AGPS: variants seen among roughly 807,000 people sequenced by gnomAD.
AGPS encodes alkyldihydroxyacetonephosphate synthase, peroxisomal.
In AGPS, 26 loss-of-function variants were observed where a neutral mutation model predicts 90.7. That is an observed-to-expected ratio of 0.29 (90% CI 0.21 to 0.40). AGPS has a LOEUF of 0.40. Ranked by LOEUF, AGPS falls within the 10% of genes least tolerant of loss-of-function variation. The pLI, the probability that AGPS is intolerant of heterozygous loss-of-function variation, is 1.00. For synonymous variants in AGPS, 294 were observed against 285.3 expected (o/e 1.03, Z -0.31); for missense variants, 540 against 816.1 (o/e 0.66, Z 4.12).
rs766755782 is a variant in AGPS, at chr2:177,497,760, A to G, written c.1357A>G (p.Thr453Ala). Reference protein sequence around the residue: ...FLDGLKKFYITKFKGFDPNQL... With the variant: ...FLDGLKKFYIAKFKGFDPNQL... ...GGACGGATTAAAAAAGTTTTATATT[A>G]CAAAGGTAAGAATTTTTATAAAATG... The change falls in exon 13 of 20, where the codon ACA becomes GCA. Residue 453 changes from threonine (T) to alanine (A), a missense_variant. Physicochemically the swap from Thr to Ala is moderately conservative, Grantham distance 58 (BLOSUM62 0). Coordinates refer to ENST00000264167, the MANE Select transcript of AGPS (RefSeq NM_003659.4). 4 of 1,495,096 alleles carry G rather than the reference A, an allele frequency of 2.7e-6. No individual in the cohort carries two copies. 92.6% of individuals were successfully genotyped at this position (1,495,096 alleles called of 1,614,324 possible).
At chr2:177,472,699 A>G (rs1178286261) in intron 10 of AGPS, among the ~76,000 whole-genome samples, 2 of 152,082 alleles carry the variant, frequency 1.3e-5, no homozygotes, top group Non-Finnish European at 2.9e-5. Context: ...ACCCTCTGCT[A>G]TGCTATTTGT....
intron 7 of AGPS, among the ~76,000 whole-genome samples, chr2:177,443,590 T>C (rs1330038298): frequency 1.3e-5 from 2 of 152,230 alleles, no homozygotes; most frequent in Admixed American, 1.3e-4. Flanking sequence ...GTAATGTGCT[T>C]TTAAAAAAAT....
At chr2:177,510,699 G>T (rs546981051) in intron 16 of AGPS, among the ~76,000 whole-genome samples, 1 of 151,882 alleles carries the variant, frequency 6.6e-6, no homozygotes, top group Admixed American at 6.6e-5. Flanking sequence ...TTCTTCAGCC[G>T]AAGTTTTAAT....
chr2:177,471,874 T>A (rs959613898), intron 10 of AGPS, among the ~76,000 whole-genome samples: 5 of 152,166 alleles, frequency 3.3e-5, no homozygotes, highest in African/African-American at 4.8e-5. Flanking sequence ...TACTTTGTTT[T>A]ATATATTATT....
intron 10 of AGPS, among the ~76,000 whole-genome samples, chr2:177,479,986 G>C (rs1386632514): frequency 6.6e-6 from 1 of 152,090 alleles, no homozygotes; most frequent in Non-Finnish European, 1.5e-5. Context: ...TTCGAGACCA[G>C]CCTGACCAAC....
At chr2:177,503,260 T>C (rs1295768290) in intron 14 of AGPS, among the ~76,000 whole-genome samples, 1 of 152,212 alleles carries the variant, frequency 6.6e-6, no homozygotes, top group African/African-American at 2.4e-5. Context: ...GTAATGTATT[T>C]TAACTTCTCC....
At chr2:177,447,698 C>T (rs1168525272) in intron 8 of AGPS, among the ~76,000 whole-genome samples, 1 of 151,730 alleles carries the variant, frequency 6.6e-6, no homozygotes, top group Non-Finnish European at 1.5e-5. Context: ...TGATATTTTA[C>T]CTACTAGTTC....
chr2:177,496,822 G>GA (rs1247685852), intron 12 of AGPS, among the ~76,000 whole-genome samples: 2 of 152,142 alleles, frequency 1.3e-5, no homozygotes, highest in East Asian at 3.9e-4. Flanking sequence ...AGAAGGAAAG[G>GA]AAGGGCCTAC....
chr2:177,491,055 A>G (rs1448892964), intron 11 of AGPS, among the ~76,000 whole-genome samples: 2 of 151,508 alleles, frequency 1.3e-5, no homozygotes, highest in Non-Finnish European at 2.9e-5. Context: ...GGGTTTCACC[A>G]TGTTGGTCAG....
intron 9 of AGPS, among the ~76,000 whole-genome samples, chr2:177,462,643 C>T (rs1364865192): frequency 1.3e-5 from 2 of 151,670 alleles, no homozygotes; most frequent in Non-Finnish European, 2.9e-5. Context: ...CAAATTCAAC[C>T]AAATGCAGCT....
At chr2:177,441,240 G>T in intron 6 of AGPS, 2 of 521,808 alleles carry the variant, frequency 3.8e-6, no homozygotes, top group Non-Finnish European at 6.8e-6. Flanking sequence ...TTAGTTCATG[G>T]CTTTTTCCTC....
In AGPS at chr2:177,523,920, T is replaced by C. The variant is rs1222685989; in HGVS notation, c.1855+115T>C. ...AATATGAGAGTACTTGAGGTTTCTT[T>C]AAAGTTTCTATGTCTTTGAAATAGC... On this transcript the variant is annotated intron_variant, in intron 19 of 19. Coordinates refer to ENST00000264167, the MANE Select transcript of AGPS (RefSeq NM_003659.4). The C allele has an allele frequency of 4.4e-6, 4 of 907,938 alleles. No individual in the cohort carries two copies. The African/African-American group carries it at 6.7e-5, about 15-fold the overall frequency. 56.2% of individuals were successfully genotyped at this position (907,938 alleles called of 1,614,324 possible). A position where few individuals can be genotyped will look rare whatever the true frequency, so the allele number is the denominator to read the frequency against.
intron 7 of AGPS, among the ~76,000 whole-genome samples, 174 bp from the exon 8 acceptor site, chr2:177,445,372 G>A (rs890961789): frequency 6.6e-6 from 1 of 152,202 alleles, no homozygotes; most frequent in Non-Finnish European, 1.5e-5. Context: ...TTACTATGTT[G>A]TCATGTTGTA....
intron 16 of AGPS, among the ~76,000 whole-genome samples, chr2:177,512,151 T>C (rs1302416598): frequency 2.6e-5 from 4 of 152,052 alleles, no homozygotes; most frequent in African/African-American, 9.7e-5. Context: ...TTAACTCTTA[T>C]AAATATTAAA....
At chr2:177,397,543 C>T (rs1158851113) in intron 1 of AGPS, among the ~76,000 whole-genome samples, 1 of 151,220 alleles carries the variant, frequency 6.6e-6, no homozygotes, top group East Asian at 1.9e-4. Context: ...TTTCATTCTT[C>T]CACACTGCTA....
At chr2:177,411,703 G>A (rs778802973) in intron 1 of AGPS, among the ~76,000 whole-genome samples, 3 of 152,090 alleles carry the variant, frequency 2.0e-5, no homozygotes, top group South Asian at 4.1e-4. Flanking sequence ...TAGCCATCAG[G>A]GTTATCTGAT....
At position 177,482,116 on chromosome 2, in the gene AGPS, A is replaced by G. The variant is rs1687962696; in HGVS notation, c.1163A>G (p.Gln388Arg). Residue 388 changes from glutamine to arginine, a missense_variant, in exon 11 of 20, where the codon CAA (glutamine) becomes CGA (arginine). Gln to Arg is a conservative substitution (Grantham distance 43, BLOSUM62 1). Coordinates refer to ENST00000264167, the MANE Select transcript of AGPS (RefSeq NM_003659.4). ...TIKIRPVPEY[Q>R]KYGSVAFPNF... ...AAAATCAGACCAGTCCCTGAATACC[A>G]AAAGTATGGCTCAGTAGCTTTCCCT... The G allele has an allele frequency of 6.2e-7, 1 of 1,606,492 alleles. No homozygotes were observed. Among genetic ancestry groups the G allele is most frequent in the Non-Finnish European group, 8.5e-7 (1 of 1,175,002 alleles).
intron 11 of AGPS, among the ~76,000 whole-genome samples, chr2:177,485,680 G>C (rs1269574268): frequency 6.6e-6 from 1 of 152,202 alleles, no homozygotes; most frequent in East Asian, 1.9e-4. Context: ...ACTTTAAGAA[G>C]CTGAGGCAGG....
At chr2:177,472,467 C>A (rs1425955439) in intron 10 of AGPS, among the ~76,000 whole-genome samples, 5 of 151,682 alleles carry the variant, frequency 3.3e-5, no homozygotes, top group Admixed American at 6.6e-5. Flanking sequence ...TTTTTCATAT[C>A]CCTGTTGCTT....
Sources: allele counts gnomAD v4.1 joint callset (sites outside exome capture counted in the v4.1 genomes callset), GRCh38; gene constraint gnomAD v4.1.1; transcripts MANE v1.5; gene names NCBI Gene and HGNC (gene_info 2026-07-23, HGNC 2026-07-21).